The following ZPBP variants were observed in gnomAD, a reference collection of about 807,000 sequenced individuals.
ZPBP encodes the protein zona pellucida-binding protein 1.
A neutral mutation model predicts 44.8 loss-of-function variants in ZPBP; 26 were observed. The observed-to-expected ratio is 0.58, with a 90% CI of 0.43 to 0.81. The LOEUF (loss-of-function observed/expected upper bound fraction) is 0.81. Ranked by LOEUF, ZPBP falls within the 30% of genes least tolerant of loss-of-function variation. ZPBP has a pLI of 0.00. For synonymous variants in ZPBP, 174 were observed against 153.2 expected (o/e 1.14, Z -1.00); for missense variants, 409 against 434.0 (o/e 0.94, Z 0.51).
At chr7:49,954,962 G>T (rs1255288883) in intron 7 of ZPBP, among the ~76,000 whole-genome samples, 2 of 152,084 alleles carry the variant, frequency 1.3e-5, no homozygotes, top group Non-Finnish European at 2.9e-5. Context: ...CAACTGAAAG[G>T]ACTGAATTGA....
At chr7:50,062,979 G>A (rs1801320703) in intron 3 of ZPBP, among the ~76,000 whole-genome samples, 1 of 151,492 alleles carries the variant, frequency 6.6e-6, no homozygotes. Context: ...TTAACATTTT[G>A]TGGGGTGGGG....
At chr7:49,906,624 C>T (rs1339860589) in intron 1 of ZPBP, among the ~76,000 whole-genome samples, 4 of 152,202 alleles carry the variant, frequency 2.6e-5, no homozygotes, top group Admixed American at 6.5e-5. Flanking sequence ...GCGTGAGCCA[C>T]CGCACCCAGC....
chr7:49,846,969 T>G (rs10258934), downstream of ZPBP, among the ~76,000 whole-genome samples: 753 of 152,326 alleles, frequency 4.9e-3, 7 homozygotes, highest in African/African-American at 0.017. Context: ...TGTGAATTAT[T>G]CAGTGTGAGG....
At chr7:49,881,965 T>G (rs1791684345) in intron 2 of ZPBP, among the ~76,000 whole-genome samples, 1 of 152,018 alleles carries the variant, frequency 6.6e-6, no homozygotes. Context: ...GAAAATAAAT[T>G]ACATTTTCGT....
At chr7:49,913,649 G>A (rs773630322) in intron 1 of ZPBP, 9 of 152,000 alleles carry the variant, frequency 5.9e-5, no homozygotes, top group African/African-American at 9.7e-5. Context: ...TTGGACTTTC[G>A]GTCTCTGGCA....
intron 7 of ZPBP, among the ~76,000 whole-genome samples, chr7:49,956,596 C>A (rs1795607092): frequency 6.6e-6 from 1 of 151,812 alleles, no homozygotes; most frequent in Admixed American, 6.6e-5. Context: ...TGTATAAGAT[C>A]TATATGATGC....
At chr7:49,909,355 G>A (rs1008633544) in intron 1 of ZPBP, among the ~76,000 whole-genome samples, 18 of 61,598 alleles carry the variant, frequency 2.9e-4, no homozygotes, top group African/African-American at 1.2e-3. Context: ...AAGACAGCTC[G>A]AGCCAAAATA....
chr7:49,940,197 C>T (rs1446273449), intron 7 of ZPBP, among the ~76,000 whole-genome samples: 2 of 152,144 alleles, frequency 1.3e-5, no homozygotes, highest in African/African-American at 4.8e-5. Context: ...CAATTCTATC[C>T]ATTGCTTCTC....
At chr7:49,947,140 T>C (rs1480017731) in intron 7 of ZPBP, among the ~76,000 whole-genome samples, 1 of 152,164 alleles carries the variant, frequency 6.6e-6, no homozygotes, top group East Asian at 1.9e-4. Context: ...TCAAAATAGC[T>C]ATTATGAATT....
chr7:49,927,680 C>T (rs1002985464), intron 1 of ZPBP, among the ~76,000 whole-genome samples: 2 of 152,094 alleles, frequency 1.3e-5, no homozygotes, highest in East Asian at 1.9e-4. Flanking sequence ...GTGATGTCAC[C>T]CAGCTGGCAC....
intron 2 of ZPBP, among the ~76,000 whole-genome samples, chr7:49,864,959 T>C (rs148595474): frequency 2.6e-5 from 4 of 152,240 alleles, no homozygotes; most frequent in Non-Finnish European, 5.9e-5. Flanking sequence ...TTCCTGTTTG[T>C]TTTTCAGTGC....
At chr7:49,962,259 T>C (rs1038418302) in intron 7 of ZPBP, among the ~76,000 whole-genome samples, 3 of 151,960 alleles carry the variant, frequency 2.0e-5, no homozygotes, top group Admixed American at 6.6e-5. Flanking sequence ...CAAAATGTTA[T>C]TATAGCATAT....
chr7:50,071,718 T>C (rs1801848705), intron 3 of ZPBP, among the ~76,000 whole-genome samples: 1 of 151,964 alleles, frequency 6.6e-6, no homozygotes, highest in African/African-American at 2.4e-5. Flanking sequence ...AGTTGTGATG[T>C]CCCCATTCCA....
intron 1 of ZPBP, among the ~76,000 whole-genome samples, chr7:49,929,898 G>T (rs1794389170): frequency 6.6e-6 from 1 of 152,150 alleles, no homozygotes; most frequent in Non-Finnish European, 1.5e-5. Context: ...ATAAGAAAAA[G>T]ACACTGGCCT....
At chr7:49,930,364 G>A (rs1192656462) in intron 1 of ZPBP, among the ~76,000 whole-genome samples, 1 of 152,186 alleles carries the variant, frequency 6.6e-6, no homozygotes, top group Non-Finnish European at 1.5e-5. Context: ...GTACTAGTTA[G>A]AGTAACAGTA....
chr7:50,067,591 T>C (rs890539942), intron 3 of ZPBP, among the ~76,000 whole-genome samples: 2 of 152,284 alleles, frequency 1.3e-5, no homozygotes, highest in Non-Finnish European at 2.9e-5. Context: ...AAATATTCAA[T>C]GTCTGGGTCC....
intron 4 of ZPBP, among the ~76,000 whole-genome samples, chr7:50,036,133 G>A (rs981777726): frequency 6.6e-6 from 1 of 152,158 alleles, no homozygotes; most frequent in Non-Finnish European, 1.5e-5. Flanking sequence ...TGAATGATAA[G>A]TTAAGAAATC....
chr7:50,016,277 G>A (rs1237457441), intron 6 of ZPBP, among the ~76,000 whole-genome samples: 1 of 152,170 alleles, frequency 6.6e-6, no homozygotes, highest in East Asian at 1.9e-4. Context: ...GAATGCAGCT[G>A]GAGGCCATTA....
At chr7:49,859,597 T>C (rs1410003950) in intron 2 of ZPBP, among the ~76,000 whole-genome samples, 1 of 152,260 alleles carries the variant, frequency 6.6e-6, no homozygotes, top group East Asian at 1.9e-4. Context: ...CATTGACGTC[T>C]GGGCTTTCCA....
Sources: allele counts gnomAD v4.1 joint callset (sites outside exome capture counted in the v4.1 genomes callset), GRCh38; gene constraint gnomAD v4.1.1; transcripts MANE v1.5; gene names NCBI Gene and HGNC (gene_info 2026-07-23, HGNC 2026-07-21).